Variants in TIAM1 observed in about 807,000 individuals in gnomAD.
The protein encoded by TIAM1 is rho guanine nucleotide exchange factor TIAM1.
A neutral mutation model predicts 163.5 loss-of-function variants in TIAM1; 65 were observed. The observed-to-expected ratio is 0.40, with a 90% CI of 0.33 to 0.49. The LOEUF (loss-of-function observed/expected upper bound fraction) is 0.49. Among genes scored for constraint, TIAM1 ranks in the 20% least tolerant of loss-of-function variants. TIAM1 has a pLI of 0.77. For synonymous variants in TIAM1, 833 were observed against 810.1 expected (o/e 1.03, Z -0.48); for missense variants, 1,789 against 2,044.7 (o/e 0.87, Z 2.41).
At chr21:31,430,451 C>T (rs545708282) in intron 2 of TIAM1, among the ~76,000 whole-genome samples, 1 of 151,834 alleles carries the variant, frequency 6.6e-6, no homozygotes, top group East Asian at 1.9e-4. Context: ...TTTAAGGCCA[C>T]CTGCAACACA....
intron 2 of TIAM1, among the ~76,000 whole-genome samples, chr21:31,416,436 C>T (rs1248049419): frequency 2.5e-4 from 38 of 152,162 alleles, no homozygotes; most frequent in Admixed American, 2.5e-3. Flanking sequence ...ACAGTATACA[C>T]TGTACCCCAT....
chr21:31,354,646 G>C (rs750514359), intron 2 of TIAM1, among the ~76,000 whole-genome samples: 2 of 152,092 alleles, frequency 1.3e-5, no homozygotes, highest in African/African-American at 2.4e-5. Flanking sequence ...CCAACTTCCC[G>C]GTAAAACATG....
intron 2 of TIAM1, among the ~76,000 whole-genome samples, chr21:31,442,092 A>ATATATATATAT (rs1555982243): frequency 5.0e-5 from 2 of 40,168 alleles, no homozygotes; most frequent in Non-Finnish European, 1.1e-4. Flanking sequence ...TATATAGAAC[A>ATATATATATAT]ATAAGGGTAT....
In TIAM1 at chr21:31,523,695, G is replaced by A. The variant is rs995076196; in HGVS notation, c.-422+35232C>T. Among the ~76,000 whole-genome samples, 10 of 152,136 alleles carry A rather than the reference G, an allele frequency of 6.6e-5. No individual in the cohort carries two copies. In the East Asian group the frequency reaches 7.7e-4, roughly 12 times the overall value. ...TCCCAGCACTTTGGGAGGCCAAGGC[G>A]GGCAGATCACCCGAGGTCAGGAGTT... is the stretch of plus-strand genomic sequence containing the variant. On this transcript the variant is annotated intron_variant, in intron 1 of 28. Transcript: ENST00000286827.
intron 5 of TIAM1, 104 bp from the exon 6 acceptor site, chr21:31,245,764 A>AAG: frequency 9.1e-7 from 1 of 1,104,180 alleles, no homozygotes; most frequent in South Asian, 4.1e-5. Flanking sequence ...CTGAAAATTA[A>AAG]AGCACGTGGA....
intron 16 of TIAM1, chr21:31,161,033 A>AG (rs1486601644): frequency 1.2e-4 from 14 of 115,472 alleles, no homozygotes; most frequent in African/African-American, 4.4e-4. Flanking sequence ...AACTAAGAAA[A>AG]GTTGTGTGTG....
intron 5 of TIAM1, among the ~76,000 whole-genome samples, chr21:31,246,389 G>A (rs2071503476): frequency 6.6e-6 from 1 of 152,118 alleles, no homozygotes; most frequent in African/African-American, 2.4e-5. Context: ...GTGGCAAGAT[G>A]GCTTCCATAG....
In TIAM1 at chr21:31,467,581, G is replaced by A. The variant is rs990518327; in HGVS notation, c.-421-3546C>T. Among the ~76,000 whole-genome samples, 13 of 148,862 alleles carry A rather than the reference G, an allele frequency of 8.7e-5. No homozygotes were observed. The East Asian group carries it at 2.7e-3, about 30-fold the overall frequency. ...GCAGAGGTTGCAGTGAGCCAAGATT[G>A]GGCCACTGCACTCCAGCTTGGGCAA... is the stretch of plus-strand genomic sequence containing the variant. On this transcript the variant is annotated intron_variant, in intron 1 of 28. Transcript: ENST00000286827.
At chr21:31,543,324 AC>A (rs1485766759) in intron 1 of TIAM1, among the ~76,000 whole-genome samples, 1 of 152,222 alleles carries the variant, frequency 6.6e-6, no homozygotes, top group African/African-American at 2.4e-5. Flanking sequence ...CTTGGCAATG[AC>A]CTGCGCGTCA....
At chr21:31,186,053 T>C (rs993256972) in intron 14 of TIAM1, among the ~76,000 whole-genome samples, 3 of 152,246 alleles carry the variant, frequency 2.0e-5, no homozygotes, top group Non-Finnish European at 4.4e-5. Flanking sequence ...TTTATTACAG[T>C]AGCTCTAAGA....
intron 1 of TIAM1, among the ~76,000 whole-genome samples, chr21:31,479,431 G>A (rs988952261): frequency 3.4e-5 from 5 of 146,644 alleles, no homozygotes; most frequent in East Asian, 3.9e-4. Context: ...ACGGACGGAC[G>A]GATGAATGGA....
intron 3 of TIAM1, among the ~76,000 whole-genome samples, chr21:31,271,876 C>A (rs960899195): frequency 2.0e-5 from 3 of 152,138 alleles, no homozygotes; most frequent in South Asian, 2.1e-4. Flanking sequence ...TGTGATTTTT[C>A]TTTTCTTACC....
intron 2 of TIAM1, among the ~76,000 whole-genome samples, chr21:31,424,609 G>A (rs1192572534): frequency 2.6e-5 from 4 of 152,186 alleles, no homozygotes; most frequent in Non-Finnish European, 4.4e-5. Flanking sequence ...GAGAAGGAAG[G>A]AAAATGGTGG....
chr21:31,423,191 C>T (rs776262762), intron 2 of TIAM1, among the ~76,000 whole-genome samples: 11 of 149,298 alleles, frequency 7.4e-5, no homozygotes, highest in Non-Finnish European at 1.3e-4. Context: ...CTCCGCCTCC[C>T]GGGTTCACGC....
chr21:31,500,722 C>T (rs1370816491), intron 1 of TIAM1, among the ~76,000 whole-genome samples: 1 of 152,180 alleles, frequency 6.6e-6, no homozygotes, highest in East Asian at 1.9e-4. Flanking sequence ...AGTCAAGGAA[C>T]TCCAAAGCTT....
At chr21:31,548,511 G>A (rs2048578213) in intron 1 of TIAM1, among the ~76,000 whole-genome samples, 1 of 142,744 alleles carries the variant, frequency 7.0e-6, no homozygotes, top group South Asian at 2.2e-4. Context: ...TTTTTGAGAC[G>A]AGAGCCTCGT....
intron 2 of TIAM1, among the ~76,000 whole-genome samples, chr21:31,289,976 C>A (rs1046806399): frequency 1.3e-5 from 2 of 152,128 alleles, no homozygotes; most frequent in Admixed American, 6.5e-5. Flanking sequence ...GTCCAGGGCA[C>A]TATGATGCAA....
At chr21:31,342,796 C>T (rs1219909483) in intron 1 of TIAM1, among the ~76,000 whole-genome samples, 5 of 152,250 alleles carry the variant, frequency 3.3e-5, no homozygotes, top group East Asian at 1.9e-4. Flanking sequence ...TTCCCTAAGC[C>T]ATGTCTGATT....
At chr21:31,239,356 C>A (rs2071050091) in intron 6 of TIAM1, among the ~76,000 whole-genome samples, 1 of 152,078 alleles carries the variant, frequency 6.6e-6, no homozygotes, top group African/African-American at 2.4e-5. Flanking sequence ...GTCACAACCT[C>A]CTGGGCTCAG....
Sources: allele counts gnomAD v4.1 joint callset (sites outside exome capture counted in the v4.1 genomes callset), GRCh38; gene constraint gnomAD v4.1.1; transcripts MANE v1.5; gene names NCBI Gene and HGNC (gene_info 2026-07-23, HGNC 2026-07-21).